Variants in XKR9 observed in about 807,000 individuals in gnomAD.
XKR9 encodes XK-related protein 9.
In XKR9, 32 loss-of-function variants were observed where a neutral mutation model predicts 32.0. The ratio of observed to expected loss-of-function variants is 1.00; its 90% confidence interval spans 0.76 to 1.34. The LOEUF is 1.34. Ranked by LOEUF, XKR9 falls within the 40% of genes most tolerant of loss-of-function variation. XKR9 has a pLI of 0.00. For missense variants in XKR9, 546 were observed against 429.7 expected (o/e 1.27, Z -2.39); for synonymous variants, 168 against 143.4 (o/e 1.17, Z -1.22).
rs375527665 is a variant in XKR9 at position 70,669,436 on chromosome 8, C to G, written c.-463C>G. The G allele has an allele frequency of 8.6e-6, 3 of 346,920 alleles. No individual in the cohort carries two copies. Among genetic ancestry groups the G allele is most frequent in the African/African-American group, 4.4e-5 (2 of 45,560 alleles). 21.5% of individuals were successfully genotyped at this position (346,920 alleles called of 1,614,324 possible). A position where few individuals can be genotyped will look rare whatever the true frequency, so the allele number is the denominator to read the frequency against. On this transcript the variant is annotated 5_prime_UTR_variant, in exon 1 of 5. Transcript: ENST00000408926. The stretch of plus-strand genomic sequence containing the variant: ...AGGCGAAGCTGGAATCTGCCTCTGT[C>G]ACGGGGGCTGGTGCCTCACGGGTTT...
At chr8:70,738,725 G>C (rs1045380364), downstream of XKR9, among the ~76,000 whole-genome samples, 7 of 152,014 alleles carry the variant, frequency 4.6e-5, no homozygotes, top group African/African-American at 1.7e-4. Context: ...ATTTCGTTAT[G>C]TACCCAGTAG....
At chr8:70,929,021 T>C in the XKR9 span, among the ~76,000 whole-genome samples, 1 of 152,178 alleles carries the variant, frequency 6.6e-6, no homozygotes, top group Non-Finnish European at 1.5e-5. Flanking sequence ...AATGTGAGCA[T>C]CTTGAAGGCT....
At chr8:70,741,168 C>G (rs1341468076) in intron 2 of XKR9, among the ~76,000 whole-genome samples, 1 of 152,168 alleles carries the variant, frequency 6.6e-6, no homozygotes, top group Admixed American at 6.5e-5. Context: ...CAAGCCTGGG[C>G]AATGGTGGGT....
the XKR9 span, among the ~76,000 whole-genome samples, chr8:70,981,926 C>G: frequency 6.6e-6 from 1 of 152,202 alleles, no homozygotes; most frequent in Non-Finnish European, 1.5e-5. Flanking sequence ...GGTCTAGCCA[C>G]CCAGTGGAGC....
chr8:70,767,393 GT>G (rs1449147050), intron 2 of XKR9, among the ~76,000 whole-genome samples: 2 of 151,216 alleles, frequency 1.3e-5, no homozygotes, highest in African/African-American at 4.9e-5. Context: ...GCGTAGAGGT[GT>G]TTATAGTATT....
the XKR9 span, among the ~76,000 whole-genome samples, chr8:70,801,164 A>T: frequency 1.3e-5 from 2 of 151,762 alleles, no homozygotes; most frequent in South Asian, 2.1e-4. Context: ...ATGGTTTTTC[A>T]TGTCTCAGTT....
At chr8:70,703,142 G>A (rs377606111) in intron 3 of XKR9, among the ~76,000 whole-genome samples, 2 of 147,070 alleles carry the variant, frequency 1.4e-5, no homozygotes, top group South Asian at 2.1e-4. Flanking sequence ...TGTAACAAAT[G>A]TTTTGGGTTA....
the XKR9 span, among the ~76,000 whole-genome samples, chr8:71,012,802 A>T: frequency 1.7e-4 from 26 of 152,336 alleles, no homozygotes; most frequent in Admixed American, 3.9e-4. Flanking sequence ...AGTAGTCCAC[A>T]TTCAGAACCT....
At chr8:70,996,095 C>A in the XKR9 span, among the ~76,000 whole-genome samples, 1 of 151,994 alleles carries the variant, frequency 6.6e-6, no homozygotes, top group African/African-American at 2.4e-5. Context: ...TTGCTGGGGC[C>A]CTGTAAATTA....
intron 4 of XKR9, among the ~76,000 whole-genome samples, chr8:70,713,972 A>G (rs1037911744): frequency 5.9e-5 from 9 of 152,120 alleles, no homozygotes; most frequent in African/African-American, 1.4e-4. Flanking sequence ...CAAGGTGCCA[A>G]TAGGGTTGGT....
chr8:70,741,110 G>C (rs1464952471), intron 2 of XKR9, among the ~76,000 whole-genome samples: 1 of 152,274 alleles, frequency 6.6e-6, no homozygotes, highest in African/African-American at 2.4e-5. Flanking sequence ...CTTGAGCTGT[G>C]GTGGGTTCCA....
At chr8:70,997,451 A>G in the XKR9 span, among the ~76,000 whole-genome samples, 2 of 152,232 alleles carry the variant, frequency 1.3e-5, no homozygotes, top group African/African-American at 4.8e-5. Flanking sequence ...GAACAAAATA[A>G]TGGCATTCAC....
the XKR9 span, among the ~76,000 whole-genome samples, chr8:70,854,921 G>A: frequency 4.9e-3 from 751 of 152,210 alleles, 16 homozygotes; most frequent in East Asian, 0.077. Flanking sequence ...TTTGGTTACC[G>A]TAGCCTTGTA....
the XKR9 span, among the ~76,000 whole-genome samples, chr8:70,992,161 G>A: frequency 1.3e-5 from 2 of 152,138 alleles, no homozygotes; most frequent in African/African-American, 2.4e-5. Flanking sequence ...TGATAGAGTT[G>A]CATCTAATTC....
At chr8:70,889,885 G>A in the XKR9 span, among the ~76,000 whole-genome samples, 1 of 152,000 alleles carries the variant, frequency 6.6e-6, no homozygotes, top group African/African-American at 2.4e-5. Flanking sequence ...GAACATAAGA[G>A]TGAATGTGTC....
At chr8:70,759,085 A>G (rs1027194525) in intron 2 of XKR9, among the ~76,000 whole-genome samples, 1 of 152,230 alleles carries the variant, frequency 6.6e-6, no homozygotes, top group Non-Finnish European at 1.5e-5. Context: ...ATGGCTGGTT[A>G]GTGCCCGGAC....
chr8:70,701,824 G>A (rs1384143926), intron 3 of XKR9, among the ~76,000 whole-genome samples: 1 of 152,086 alleles, frequency 6.6e-6, no homozygotes, highest in Non-Finnish European at 1.5e-5. Context: ...CTGTGGAGTA[G>A]GATGTTTCAT....
chr8:70,782,667 A>C (rs181760731), intron 2 of XKR9, among the ~76,000 whole-genome samples: 61 of 152,236 alleles, frequency 4.0e-4, no homozygotes, highest in Admixed American at 7.9e-4. Context: ...AAATGAGTAC[A>C]TGCAGGATTT....
At chr8:70,898,319 T>C in the XKR9 span, among the ~76,000 whole-genome samples, 7 of 152,334 alleles carry the variant, frequency 4.6e-5, no homozygotes, top group South Asian at 1.2e-3. Flanking sequence ...TTGGTTACTA[T>C]AGCTCTAGCA....
Sources: gnomAD v4.1 joint callset for allele counts (sites outside exome capture counted in the v4.1 genomes callset) on GRCh38, gnomAD v4.1.1 for gene constraint, MANE v1.5 for transcripts, NCBI Gene and HGNC (gene_info 2026-07-23, HGNC 2026-07-21) for gene names.